Variants in ADGRV1 observed in about 807,000 individuals in gnomAD.
ADGRV1 encodes adhesion G protein-coupled receptor V1.
In ADGRV1, 359 loss-of-function variants were observed where a neutral mutation model predicts 596.2. The ratio of observed to expected loss-of-function variants is 0.60; its 90% CI spans 0.55 to 0.66. The LOEUF is 0.66. Among genes scored for constraint, ADGRV1 ranks in the 30% least tolerant of loss-of-function variants. ADGRV1 has a pLI of 0.00. For synonymous variants in ADGRV1, 2,681 were observed against 2,679.2 expected (o/e 1.00, Z -0.02); for missense variants, 7,274 against 7,575.6 (o/e 0.96, Z 1.48).
At chr5:90,839,088 G>T (rs1765211797) in intron 77 of ADGRV1, among the ~76,000 whole-genome samples, 1 of 152,166 alleles carries the variant, frequency 6.6e-6, no homozygotes, top group African/African-American at 2.4e-5. Flanking sequence ...CATGAATAAT[G>T]ATAAATAAAA....
At chr5:90,727,038 C>T (rs947528333) in intron 48 of ADGRV1, among the ~76,000 whole-genome samples, 3 of 152,164 alleles carry the variant, frequency 2.0e-5, no homozygotes, top group Non-Finnish European at 4.4e-5. Flanking sequence ...AGCAACCCCA[C>T]GAACTCAGTT....
intron 85 of ADGRV1, among the ~76,000 whole-genome samples, chr5:91,006,167 C>T (rs1367262471): frequency 6.6e-6 from 1 of 152,060 alleles, no homozygotes; most frequent in Non-Finnish European, 1.5e-5. Flanking sequence ...AGTAGCTCAG[C>T]TGGTAAATAA....
chr5:90,709,143 A>G (rs1748992554), intron 39 of ADGRV1, among the ~76,000 whole-genome samples: 3 of 152,210 alleles, frequency 2.0e-5, no homozygotes, highest in Admixed American at 6.5e-5. Context: ...CAACTATTTT[A>G]TAAACAAATT....
At position 90,756,472 on chromosome 5, in the gene ADGRV1, G is replaced by A. The variant is rs10062026; in HGVS notation, c.11599G>A (p.Glu3867Lys). Residue 3867 changes from glutamate to lysine, a missense_variant, in exon 56 of 90, where the codon GAG becomes AAG. Physicochemically the swap from Glu to Lys is moderately conservative, Grantham distance 56 (BLOSUM62 1). This residue lies in a region of ADGRV1 where 3,643 missense variants were observed against 3,809.2 expected (regional missense o/e 0.96). Transcript: ENST00000405460. The part of the protein sequence containing the change: ...SILPDDLPEL[E>K]EGFIVTITEV... ...CCCCCAGGATGACCTTCCTGAATTG[G>A]AGGAAGGATTTATTGTCACTATCAC... is the stretch of plus-strand genomic sequence containing the variant. 0.34 allele frequency: 521,949 copies of A among 1,529,114 alleles called. 94,980 individuals carry two copies. Among genetic ancestry groups the A allele is most frequent in the Admixed American group, 0.53 (27,176 of 51,462 alleles). 94.7% of individuals were successfully genotyped at this position (1,529,114 alleles called of 1,614,324 possible). A position where few individuals can be genotyped will look rare whatever the true frequency, so the allele number is the denominator to read the frequency against.
chr5:90,781,261 A>G (rs1758807102), intron 64 of ADGRV1, 169 bp from the exon 65 acceptor site: 6 of 661,628 alleles, frequency 9.1e-6, no homozygotes, highest in Middle Eastern at 4.2e-4. Flanking sequence ...TCAAAACATC[A>G]TTTCAGGAAA....
chr5:90,593,723 C>G (rs372741087), intron 1 of ADGRV1, among the ~76,000 whole-genome samples: 3 of 151,588 alleles, frequency 2.0e-5, no homozygotes, highest in East Asian at 1.9e-4. Flanking sequence ...CCTGTTCTCC[C>G]GAAACCCATT....
rs768299251 is a variant in ADGRV1 at position 90,810,979 on chromosome 5, C to T, written c.15719C>T (p.Thr5240Ile). 14 of 1,614,024 alleles carry T rather than the reference C, an allele frequency of 8.7e-6. No individual in the cohort carries two copies. Among genetic ancestry groups the T allele is most frequent in the Admixed American group, 6.7e-5 (4 of 60,030 alleles). ...GAGATGAAGAATGGCACATTCAACA[C>T]TGCAGAAGTTCTTATCCGAAGAACT... is the stretch of plus-strand genomic sequence containing the variant. ...EEEMKNGTFN[T>I]AEVLIRRTGG... The change falls in exon 74 of 90, where the codon ACT becomes ATT. Residue 5240 changes from threonine to isoleucine, a missense_variant. Physicochemically the swap from Thr to Ile is moderately conservative, Grantham distance 89. Around this residue, in one of 5 missense-constraint regions of ADGRV1, gnomAD observed 1,874 missense variants for 1,970.2 expected, o/e 0.95. Transcript: ENST00000405460.
intron 85 of ADGRV1, among the ~76,000 whole-genome samples, chr5:90,993,112 G>C (rs1013567804): frequency 4.1e-5 from 6 of 147,240 alleles, no homozygotes; most frequent in African/African-American, 1.3e-4. Flanking sequence ...GTGTGTCCTT[G>C]GTCTTCAATC....
chr5:90,597,694 A>C (rs2152015745), intron 1 of ADGRV1, among the ~76,000 whole-genome samples: 1 of 152,182 alleles, frequency 6.6e-6, no homozygotes, highest in African/African-American at 2.4e-5. Context: ...AGAAGAGTGC[A>C]TTCGTGGGAT....
intron 85 of ADGRV1, among the ~76,000 whole-genome samples, chr5:91,049,512 A>G (rs775695463): frequency 3.9e-5 from 6 of 152,182 alleles, no homozygotes; most frequent in Non-Finnish European, 5.9e-5. Flanking sequence ...TAAATGATTA[A>G]ATACTTAACT....
intron 87 of ADGRV1, among the ~76,000 whole-genome samples, chr5:91,141,896 G>C (rs1001763223): frequency 6.6e-6 from 1 of 152,102 alleles, no homozygotes; most frequent in Non-Finnish European, 1.5e-5. Context: ...ATGCAAACCC[G>C]GTTTCAGCAG....
chr5:91,097,642 T>G (rs1258850404), intron 86 of ADGRV1, among the ~76,000 whole-genome samples: 1 of 152,210 alleles, frequency 6.6e-6, no homozygotes, highest in Non-Finnish European at 1.5e-5. Context: ...ATCTTGAGGT[T>G]CTACCAAACT....
intron 41 of ADGRV1, 109 bp downstream of exon 41, chr5:90,711,431 C>A: frequency 2.5e-6 from 2 of 811,146 alleles, no homozygotes; most frequent in South Asian, 3.3e-5. Flanking sequence ...TTCTTAAAAA[C>A]CATTGTATTT....
In ADGRV1 at chr5:90,783,861, T is replaced by G. The variant is rs1218874976; in HGVS notation, c.13457T>G (p.Ile4486Ser). 1.2e-6 allele frequency: 2 copies of G among 1,608,582 alleles called. No homozygotes were observed. The highest frequency in any genetic ancestry group is 2.7e-5 in the African/African-American group (2 of 74,870). The change falls in exon 67 of 90, where the codon ATT becomes AGT. Residue 4486 changes from isoleucine (I) to serine (S), a missense_variant. Physicochemically the swap from Ile to Ser is moderately radical, Grantham distance 142. Coordinates refer to ENST00000405460, the MANE Select transcript of ADGRV1 (RefSeq NM_032119.4). ...AGTGAATTTGAGGAGCCCATTGAAA[T>G]TCTACTCACTGGAGCTACTGGAGGA... Reference protein sequence around the residue: ...NESEFEEPIEILLTGATGGAV... With the variant: ...NESEFEEPIESLLTGATGGAV...
chr5:90,953,381 T>A (rs1295008576), intron 83 of ADGRV1, among the ~76,000 whole-genome samples: 1 of 152,182 alleles, frequency 6.6e-6, no homozygotes, highest in Non-Finnish European at 1.5e-5. Context: ...ACAATAAATG[T>A]TGATTACTTC....
At chr5:91,088,921 C>G (rs1790135846) in intron 86 of ADGRV1, among the ~76,000 whole-genome samples, 1 of 152,164 alleles carries the variant, frequency 6.6e-6, no homozygotes. Context: ...TAGACAGCCT[C>G]TTTCTCCCTA....
At chr5:90,742,702 G>C (rs1349131195) in intron 50 of ADGRV1, among the ~76,000 whole-genome samples, 1 of 152,146 alleles carries the variant, frequency 6.6e-6, no homozygotes, top group Non-Finnish European at 1.5e-5. Context: ...GTCTGAGAAA[G>C]AGCTGGAGGC....
chr5:90,928,198 G>A (rs1302118954), intron 83 of ADGRV1, among the ~76,000 whole-genome samples: 1 of 152,090 alleles, frequency 6.6e-6, no homozygotes, highest in Non-Finnish European at 1.5e-5. Flanking sequence ...GATTGGGGAA[G>A]TTCTCCTGGA....
Position 90,854,121 on chromosome 5 carries a change from T to C in ADGRV1, c.17514T>C (p.Val5838=), listed in dbSNP as rs751453318. ...AACTCCTGACTAATGACAATGAGGT[T>C]CTCTACAGGATTTATGCTGCTGAGC... is the stretch of plus-strand genomic sequence containing the variant. The part of the protein sequence containing the change: ...SSQLLTNDNE[V]LYRIYAAEPR... Residue 5838 remains valine (V), a synonymous_variant, in exon 81 of 90, where the codon GTT becomes GTC. Coordinates refer to ENST00000405460, the MANE Select transcript of ADGRV1 (RefSeq NM_032119.4). The C allele has an allele frequency of 2.5e-6, 4 of 1,579,548 alleles. No homozygotes were observed. The highest frequency in any genetic ancestry group is 3.4e-6 in the Non-Finnish European group (4 of 1,159,734).
Sources: allele counts gnomAD v4.1 joint callset (sites outside exome capture counted in the v4.1 genomes callset), GRCh38; gene constraint gnomAD v4.1.1; regional missense constraint gnomAD v4.1.1; transcripts MANE v1.5; gene names NCBI Gene and HGNC (gene_info 2026-07-23, HGNC 2026-07-21).